NOL4: variants seen among roughly 807,000 people sequenced by gnomAD.
NOL4 encodes nucleolar protein 4, also known as cancer/testis antigen 125.
Under a neutral mutation model 75.9 loss-of-function variants are expected in NOL4, and 17 were observed. That is an observed-to-expected ratio of 0.22 (90% CI 0.15 to 0.34). The LOEUF is 0.34. Ranked by LOEUF, NOL4 falls within the 10% of genes least tolerant of loss-of-function variation. The pLI is 1.00. For synonymous variants in NOL4, 292 were observed against 289.9 expected (o/e 1.01, Z -0.07); for missense variants, 614 against 793.5 (o/e 0.77, Z 2.72).
intron 4 of NOL4, among the ~76,000 whole-genome samples, chr18:34,097,789 T>C (rs148257804): frequency 6.6e-6 from 1 of 152,308 alleles, no homozygotes; most frequent in East Asian, 1.9e-4. Context: ...TCTTAATAGA[T>C]AAATTGTTGT....
chr18:34,059,800 T>A (rs1410760019), intron 5 of NOL4, among the ~76,000 whole-genome samples: 2 of 152,174 alleles, frequency 1.3e-5, no homozygotes, highest in African/African-American at 4.8e-5. Context: ...TGTCTCACTA[T>A]CTGCTGGAGA....
intron 8 of NOL4, among the ~76,000 whole-genome samples, chr18:33,944,636 C>A (rs921193362): frequency 2.0e-5 from 3 of 151,574 alleles, no homozygotes; most frequent in African/African-American, 7.3e-5. Flanking sequence ...TTTGGAATGT[C>A]ATTTTTGCAA....
intron 9 of NOL4, among the ~76,000 whole-genome samples, chr18:33,903,975 A>T (rs1481138048): frequency 6.6e-6 from 1 of 152,184 alleles, no homozygotes; most frequent in Non-Finnish European, 1.5e-5. Flanking sequence ...AACTAGTTCA[A>T]ACTCTCCAAA....
chr18:33,992,185 A>G (rs2072969798), intron 6 of NOL4, among the ~76,000 whole-genome samples: 1 of 152,054 alleles, frequency 6.6e-6, no homozygotes, highest in African/African-American at 2.4e-5. Flanking sequence ...AAAATTAAAT[A>G]AATTCACATT....
At chr18:34,047,807 A>C (rs2076450352) in intron 5 of NOL4, among the ~76,000 whole-genome samples, 1 of 152,114 alleles carries the variant, frequency 6.6e-6, no homozygotes, top group Non-Finnish European at 1.5e-5. Flanking sequence ...TCCCCCCAGA[A>C]CAAAATCCAT....
At chr18:33,937,058 C>T (rs946303683) in intron 9 of NOL4, among the ~76,000 whole-genome samples, 9 of 151,984 alleles carry the variant, frequency 5.9e-5, no homozygotes, top group African/African-American at 2.2e-4. Context: ...AATCTGGCTG[C>T]CCCTTTTGAA....
chr18:34,087,121 C>T (rs1008141184), intron 5 of NOL4, among the ~76,000 whole-genome samples: 1 of 152,106 alleles, frequency 6.6e-6, no homozygotes, highest in African/African-American at 2.4e-5. Context: ...TAGTGTGGAG[C>T]ACTGGTTCCC....
rs2064780892 is a variant in NOL4, at chr18:33,887,121, ATAT to A, written c.1543-3700_1543-3698del. 2.9e-5 allele frequency among the ~76,000 whole-genome samples: 4 copies of A among 139,380 alleles called. No individual in the cohort carries two copies. In the South Asian group the frequency reaches 8.5e-4, roughly 30 times the overall value. The allele number at this position is 139,380 out of a possible 152,430, so 91.4% of individuals were successfully genotyped here. The stretch of plus-strand genomic sequence containing the variant: ...GATATATATATCTCTGTATCTATAT[ATAT>A]TATATCTAGATATATCTATATCTAG... On this transcript the variant is annotated intron_variant, in intron 9 of 10. Coordinates refer to ENST00000261592, the MANE Select transcript of NOL4 (RefSeq NM_003787.5).
At chr18:33,920,912 G>A (rs964430597) in intron 9 of NOL4, among the ~76,000 whole-genome samples, 1 of 152,216 alleles carries the variant, frequency 6.6e-6, no homozygotes, top group Non-Finnish European at 1.5e-5. Flanking sequence ...CATTGGCGAA[G>A]AGGTCGCGGC....
intron 10 of NOL4, among the ~76,000 whole-genome samples, chr18:33,873,574 A>G (rs2063795719): frequency 6.6e-6 from 1 of 152,020 alleles, no homozygotes; most frequent in South Asian, 2.1e-4. Flanking sequence ...AAAGAGAACA[A>G]ACTTTAAGAA....
intron 5 of NOL4, among the ~76,000 whole-genome samples, chr18:34,063,045 G>A (rs2077130445): frequency 6.6e-6 from 1 of 152,046 alleles, no homozygotes; most frequent in Non-Finnish European, 1.5e-5. Context: ...TTCTGAAAAG[G>A]TAGAGAAGAG....
chr18:33,912,541 A>AT (rs1410707901), intron 9 of NOL4, among the ~76,000 whole-genome samples: 1 of 152,104 alleles, frequency 6.6e-6, no homozygotes, highest in Non-Finnish European at 1.5e-5. Context: ...GATAATCTAA[A>AT]ATATGCAAAC....
intron 6 of NOL4, among the ~76,000 whole-genome samples, chr18:33,979,775 T>C (rs747692040): frequency 6.6e-6 from 1 of 152,202 alleles, no homozygotes; most frequent in African/African-American, 2.4e-5. Flanking sequence ...GCCAAAAAAT[T>C]AGTTTGCCAC....
intron 5 of NOL4, among the ~76,000 whole-genome samples, chr18:34,089,633 G>C (rs1568327224): frequency 6.6e-6 from 1 of 152,238 alleles, no homozygotes; most frequent in African/African-American, 2.4e-5. Context: ...TGAGATTGCA[G>C]AAAGACAACT....
At chr18:34,105,548 T>C (rs568612409) in intron 2 of NOL4, among the ~76,000 whole-genome samples, 17 of 152,152 alleles carry the variant, frequency 1.1e-4, no homozygotes, top group Admixed American at 9.2e-4. Context: ...AAATACTCTT[T>C]TTTGTAATTT....
At chr18:33,861,410 G>A (rs1384036095) in intron 10 of NOL4, among the ~76,000 whole-genome samples, 9 of 152,134 alleles carry the variant, frequency 5.9e-5, no homozygotes, top group African/African-American at 1.4e-4. Context: ...GGATTTTCAA[G>A]TTTATTTGTG....
chr18:34,121,997 T>TGAATATATCTGACC (rs2080164378), intron 2 of NOL4, among the ~76,000 whole-genome samples: 1 of 152,232 alleles, frequency 6.6e-6, no homozygotes, highest in East Asian at 1.9e-4. Context: ...TAGACACTAA[T>TGAATATATCTGACC]GAATATATCT....
intron 6 of NOL4, among the ~76,000 whole-genome samples, chr18:33,999,469 T>C (rs553339138): frequency 1.1e-4 from 16 of 152,250 alleles, no homozygotes; most frequent in Non-Finnish European, 1.9e-4. Context: ...GTTTATTGAC[T>C]AGTATCTTTA....
chr18:34,162,407 T>G (rs950238452), intron 1 of NOL4, among the ~76,000 whole-genome samples: 1 of 151,932 alleles, frequency 6.6e-6, no homozygotes, highest in Non-Finnish European at 1.5e-5. Flanking sequence ...AAAGGGGATA[T>G]CACTACCAAT....
Sources: gnomAD v4.1 joint callset for allele counts (sites outside exome capture counted in the v4.1 genomes callset) on GRCh38, gnomAD v4.1.1 for gene constraint, MANE v1.5 for transcripts, NCBI Gene and HGNC (gene_info 2026-07-23, HGNC 2026-07-21) for gene names.